Variants in DOCK4 observed in about 807,000 individuals in gnomAD.
The protein encoded by DOCK4 is dedicator of cytokinesis 4.
Under a neutral mutation model 268.1 loss-of-function variants are expected in DOCK4, and 97 were observed. That is an observed-to-expected ratio of 0.36 (90% CI 0.31 to 0.43). DOCK4 has a LOEUF of 0.43. DOCK4 is among the 20% of genes least tolerant of loss of function. The pLI, the probability that DOCK4 is intolerant of heterozygous loss-of-function variation, is 1.00. For missense variants in DOCK4, 2,145 were observed against 2,455.7 expected (o/e 0.87, Z 2.67); for synonymous variants, 954 against 887.2 (o/e 1.08, Z -1.34).
chr7:112,194,224 A>G (rs1441690740), intron 1 of DOCK4, among the ~76,000 whole-genome samples: 1 of 152,220 alleles, frequency 6.6e-6, no homozygotes, highest in Non-Finnish European at 1.5e-5. Context: ...GTCCTGCACA[A>G]ATTATCCCTG....
chr7:111,739,755 A>C, intron 47 of DOCK4: 1 of 437,746 alleles, frequency 2.3e-6, no homozygotes, highest in South Asian at 2.3e-5. Flanking sequence ...TTGAGGTATA[A>C]GTAGAATGAC....
At chr7:112,186,499 A>G (rs1587003050) in intron 1 of DOCK4, among the ~76,000 whole-genome samples, 1 of 152,342 alleles carries the variant, frequency 6.6e-6, no homozygotes, top group East Asian at 1.9e-4. Context: ...TGTAGTTGTC[A>G]TGAGCACGGA....
intron 8 of DOCK4, among the ~76,000 whole-genome samples, chr7:111,963,405 G>C (rs1412522338): frequency 7.9e-6 from 1 of 126,368 alleles, no homozygotes; most frequent in Non-Finnish European, 1.6e-5. Flanking sequence ...GAAGCGCAAG[G>C]GGTCAGGGAG....
chr7:112,065,328 C>T lies in DOCK4; in HGVS notation c.38-61197G>A, dbSNP rs1806821907. ...CCACACTTCCTTCAACTGGCTCTTT[C>T]TCAGCCTCCTAGTCCTGAGACTGCT... On this transcript the variant is annotated intron_variant, in intron 1 of 52. Coordinates refer to ENST00000428084, the MANE Select transcript of DOCK4 (RefSeq NM_001363540.2). Among the ~76,000 whole-genome samples the T allele has an allele frequency of 2.0e-5, 3 of 152,062 alleles. No individual in the cohort carries two copies. The South Asian group carries it at 6.2e-4, about 31-fold the overall frequency.
intron 1 of DOCK4, among the ~76,000 whole-genome samples, chr7:112,056,306 G>A (rs536952598): frequency 6.6e-6 from 1 of 152,238 alleles, no homozygotes; most frequent in African/African-American, 2.4e-5. Flanking sequence ...GAGCCACTGA[G>A]GCACAGGAGA....
chr7:112,088,882 A>G (rs1043214943), intron 1 of DOCK4, among the ~76,000 whole-genome samples: 3 of 152,154 alleles, frequency 2.0e-5, no homozygotes, highest in Admixed American at 2.0e-4. Flanking sequence ...GTGTGACTGA[A>G]AGGATTAATT....
intron 1 of DOCK4, among the ~76,000 whole-genome samples, chr7:112,165,523 CGTGTGTGTGTGTGTGTGT>C (rs112020512): frequency 4.0e-5 from 5 of 126,472 alleles, no homozygotes; most frequent in Admixed American, 2.4e-4. Context: ...GAATAGTATA[CGTGTGTGTGTGTGTGTGT>C]GTGTGTGTGT....
intron 1 of DOCK4, among the ~76,000 whole-genome samples, chr7:112,063,394 C>T (rs1563048244): frequency 6.6e-6 from 1 of 152,194 alleles, no homozygotes; most frequent in Non-Finnish European, 1.5e-5. Context: ...AGCCCAAATG[C>T]ATTTAATACA....
intron 8 of DOCK4, among the ~76,000 whole-genome samples, chr7:111,969,546 G>A (rs1342964973): frequency 6.6e-5 from 10 of 151,718 alleles, no homozygotes; most frequent in African/African-American, 2.4e-4. Flanking sequence ...AAATTCTCTT[G>A]AAAATTCAAA....
chr7:111,925,949 C>G (rs939659064), intron 12 of DOCK4, among the ~76,000 whole-genome samples: 1 of 138,556 alleles, frequency 7.2e-6, no homozygotes, highest in Non-Finnish European at 1.5e-5. Flanking sequence ...AATAAATAAG[C>G]CTTGCATGGT....
chr7:111,826,534 T>C (rs990802014), intron 26 of DOCK4, among the ~76,000 whole-genome samples: 15 of 152,286 alleles, frequency 9.8e-5, no homozygotes, highest in African/African-American at 2.9e-4. Context: ...ATTTACACCA[T>C]GGAATACTAT....
chr7:111,940,049 A>T (rs1795080316), intron 11 of DOCK4, 61 bp downstream of exon 11: 26 of 1,573,340 alleles, frequency 1.7e-5, no homozygotes, highest in Non-Finnish European at 2.3e-5. Context: ...GCATTCGCCC[A>T]AGTAGGACCC....
chr7:112,184,902 A>T (rs1819369444), intron 1 of DOCK4, among the ~76,000 whole-genome samples: 1 of 152,154 alleles, frequency 6.6e-6, no homozygotes, highest in Non-Finnish European at 1.5e-5. Flanking sequence ...ATCCACAGTA[A>T]TTCCTCATGC....
intron 5 of DOCK4, among the ~76,000 whole-genome samples, chr7:111,992,789 A>C (rs772640583): frequency 1.3e-5 from 2 of 152,172 alleles, no homozygotes; most frequent in Non-Finnish European, 2.9e-5. Flanking sequence ...TATAACTCTT[A>C]TATCGGGTAT....
At chr7:112,059,047 G>A (rs948928557) in intron 1 of DOCK4, among the ~76,000 whole-genome samples, 4 of 151,718 alleles carry the variant, frequency 2.6e-5, no homozygotes, top group East Asian at 1.9e-4. Flanking sequence ...ACAACCACTC[G>A]GGAAATTCAG....
chr7:111,990,687 T>C (rs958961668), intron 5 of DOCK4, among the ~76,000 whole-genome samples: 4 of 152,190 alleles, frequency 2.6e-5, no homozygotes. Context: ...GGCACTCTAT[T>C]GAGCCCATTC....
chr7:111,788,644 G>A lies in DOCK4; in HGVS notation c.3401+18C>T, dbSNP rs144178244. On this transcript the variant is annotated intron_variant, in intron 32 of 52. Transcript: ENST00000428084. ...ATCCCCCAGAATGGAATCAACTTGA[G>A]ATAAACATATTACTCACATACTGTT... 1.3e-6 allele frequency: 2 copies of A among 1,562,186 alleles called. No homozygotes were observed. Among genetic ancestry groups the A allele is most frequent in the East Asian group, 2.3e-5 (1 of 42,794 alleles).
rs189055113 is a variant in DOCK4 at position 111,737,029 on chromosome 7, C to T, written c.5233-40G>A. The T allele has an allele frequency of 3.2e-5, 50 of 1,545,956 alleles. No individual in the cohort carries two copies. The East Asian group carries it at 7.9e-4, about 24-fold the overall frequency. The stretch of plus-strand genomic sequence containing the variant: ...GGGTTGATTTTTATGATGTGATATA[C>T]GGGCATGTGAAACCTTTCAGAAAAT... On this transcript the variant is annotated intron_variant, in intron 49 of 52. Transcript: ENST00000428084.
intron 22 of DOCK4, among the ~76,000 whole-genome samples, chr7:111,863,967 A>T (rs563953706): frequency 1.3e-5 from 2 of 152,326 alleles, no homozygotes; most frequent in South Asian, 4.1e-4. Context: ...ACATTTAAGA[A>T]ACCAAACACA....
Sources: allele counts gnomAD v4.1 joint callset (sites outside exome capture counted in the v4.1 genomes callset), GRCh38; gene constraint gnomAD v4.1.1; transcripts MANE v1.5; gene names NCBI Gene and HGNC (gene_info 2026-07-23, HGNC 2026-07-21).